The following PTPRN2 variants were observed in gnomAD, a reference collection of about 807,000 sequenced individuals.
The protein encoded by PTPRN2 is receptor-type tyrosine-protein phosphatase N2.
Under a neutral mutation model 118.8 loss-of-function variants are expected in PTPRN2, and 74 were observed. The observed-to-expected ratio is 0.62, with a 90% CI of 0.52 to 0.76. PTPRN2 has a LOEUF of 0.76. PTPRN2 is among the 30% of genes least tolerant of loss of function. PTPRN2 has a pLI of 0.00. For synonymous variants in PTPRN2, 641 were observed against 608.0 expected, an observed-to-expected ratio of 1.05 and a Z score of -0.80; for missense variants, 1,481 against 1,394.4, an observed-to-expected ratio of 1.06 and a Z score of -0.99.
chr7:158,083,609 G>A (rs1293007604), intron 10 of PTPRN2, among the ~76,000 whole-genome samples: 2 of 152,204 alleles, frequency 1.3e-5, no homozygotes, highest in African/African-American at 2.4e-5. Context: ...CGTATTTCAC[G>A]TGGGGGCCGC....
intron 12 of PTPRN2, among the ~76,000 whole-genome samples, chr7:157,718,340 A>G (rs1313511223): frequency 1.3e-5 from 2 of 152,250 alleles, no homozygotes; most frequent in African/African-American, 2.4e-5. Context: ...CAAGGCACTC[A>G]TGAATGAGCT....
At chr7:158,416,814 T>G (rs1262632952) in intron 2 of PTPRN2, among the ~76,000 whole-genome samples, 1 of 152,102 alleles carries the variant, frequency 6.6e-6, no homozygotes, top group Non-Finnish European at 1.5e-5. Flanking sequence ...AACGATGATA[T>G]CCAGGGGAAA....
chr7:158,348,615 C>T (rs1807713431), intron 2 of PTPRN2, among the ~76,000 whole-genome samples: 1 of 152,198 alleles, frequency 6.6e-6, no homozygotes, highest in African/African-American at 2.4e-5. Context: ...AGGCCCCCAA[C>T]ACCTGAGGTC....
At chr7:158,233,398 T>C (rs1019187493) in intron 3 of PTPRN2, among the ~76,000 whole-genome samples, 6 of 152,022 alleles carry the variant, frequency 3.9e-5, no homozygotes, top group Non-Finnish European at 8.8e-5. Context: ...GATACAACAC[T>C]GAAGAAAACA....
At chr7:157,649,986 G>A (rs1052740231) in intron 14 of PTPRN2, among the ~76,000 whole-genome samples, 1 of 151,798 alleles carries the variant, frequency 6.6e-6, no homozygotes, top group Non-Finnish European at 1.5e-5. Context: ...CACTGAACTC[G>A]GTGGGTCGGA....
intron 9 of PTPRN2, among the ~76,000 whole-genome samples, chr7:158,112,637 T>A (rs1165275733): frequency 1.3e-5 from 2 of 152,152 alleles, no homozygotes; most frequent in African/African-American, 4.8e-5. Context: ...GGAGTTTACA[T>A]CCTGCACACG....
chr7:157,550,532 G>A lies in PTPRN2; in HGVS notation c.2903-1513C>T, dbSNP rs1212595021. Among the ~76,000 whole-genome samples the A allele has an allele frequency of 1.3e-5, 2 of 152,248 alleles. No individual in the cohort carries two copies. Among genetic ancestry groups the A allele is most frequent in the African/African-American group, 4.8e-5 (2 of 41,470 alleles). ...ATGACCACCCCACCTGCCCTGCCTG[G>A]CTGGTGGGTCTCCCCACCTTTGAGC... On this transcript the variant is annotated intron_variant, in intron 21 of 22. Coordinates refer to ENST00000389418, the MANE Select transcript of PTPRN2 (RefSeq NM_002847.5). The surrounding 1 kb of genome is among the most constrained non-coding windows in gnomAD (Gnocchi z 5.2).
intron 2 of PTPRN2, among the ~76,000 whole-genome samples, chr7:158,425,243 C>T (rs1304851074): frequency 4.3e-5 from 1 of 23,286 alleles, no homozygotes; most frequent in Non-Finnish European, 1.1e-4. Flanking sequence ...CTGAGGCCTG[C>T]GCACCGCCGG....
At chr7:157,595,448 G>C in intron 16 of PTPRN2, 133 bp from the exon 17 acceptor site, 2 of 774,168 alleles carry the variant, frequency 2.6e-6, no homozygotes, top group Non-Finnish European at 4.2e-6. Context: ...AAGAAACCCG[G>C]AGGTTAGGAA....
intron 11 of PTPRN2, among the ~76,000 whole-genome samples, chr7:158,070,172 C>T (rs112334710): frequency 6.6e-6 from 1 of 152,224 alleles, no homozygotes; most frequent in Non-Finnish European, 1.5e-5. Flanking sequence ...CAGCAGACAT[C>T]CAAAAGCAGG....
At chr7:158,274,435 GGAGGAGCCGCAGACAC>G (rs1199842814) in intron 3 of PTPRN2, among the ~76,000 whole-genome samples, 3 of 129,574 alleles carry the variant, frequency 2.3e-5, no homozygotes, top group Admixed American at 7.6e-5. Context: ...GACAGACATG[GGAGGAGCCGCAGACAC>G]GGGGAGCCGC....
chr7:158,570,160 C>G lies in PTPRN2; in HGVS notation c.112+17398G>C. Among the ~76,000 whole-genome samples, 1 of 152,296 alleles carries G rather than the reference C, an allele frequency of 6.6e-6. No homozygotes were observed. The highest frequency in any genetic ancestry group is 2.4e-5 in the African/African-American group (1 of 41,580). On this transcript the variant is annotated intron_variant, in intron 1 of 22. Coordinates refer to ENST00000389418, the MANE Select transcript of PTPRN2 (RefSeq NM_002847.5). This position sits in a 1 kb window ranked among gnomAD's most constrained non-coding sequence, Gnocchi z 4.5. ...CGGAGCCGTCTCCAACCCCTGCAGG[C>G]CGACCTGGGCAGCCAGGCGGGGAGC...
intron 3 of PTPRN2, among the ~76,000 whole-genome samples, chr7:158,261,453 C>T (rs937324625): frequency 1.3e-5 from 2 of 152,108 alleles, no homozygotes; most frequent in African/African-American, 4.8e-5. Flanking sequence ...TCACAGGCAG[C>T]GATGGGCCAA....
At chr7:157,546,796 G>T (rs1247336926) in intron 22 of PTPRN2, among the ~76,000 whole-genome samples, 1 of 152,226 alleles carries the variant, frequency 6.6e-6, no homozygotes, top group Non-Finnish European at 1.5e-5. Context: ...TCTCTGATGA[G>T]TCCCAAAGCA....
At chr7:158,329,446 G>A (rs1803947665) in intron 2 of PTPRN2, among the ~76,000 whole-genome samples, 1 of 152,216 alleles carries the variant, frequency 6.6e-6, no homozygotes, top group Non-Finnish European at 1.5e-5. Flanking sequence ...TTAGCAGGCG[G>A]ACGGCTGAGA....
At chr7:157,778,851 G>A (rs1803504395) in intron 12 of PTPRN2, among the ~76,000 whole-genome samples, 1 of 152,212 alleles carries the variant, frequency 6.6e-6, no homozygotes, top group Non-Finnish European at 1.5e-5. Flanking sequence ...CGTGAATACA[G>A]GCGCTGAATG....
At chr7:158,488,581 C>T (rs767396709) in intron 2 of PTPRN2, among the ~76,000 whole-genome samples, 1 of 152,234 alleles carries the variant, frequency 6.6e-6, no homozygotes, top group Non-Finnish European at 1.5e-5. Flanking sequence ...AGGCATTCAC[C>T]TCGGCTCCCC....
chr7:157,703,782 C>T (rs912700260), intron 12 of PTPRN2, among the ~76,000 whole-genome samples: 2 of 152,140 alleles, frequency 1.3e-5, no homozygotes, highest in Admixed American at 1.3e-4. Flanking sequence ...TTTGGGATTC[C>T]GAGACTGGCA....
chr7:158,489,426 G>A (rs1199765394), intron 2 of PTPRN2, among the ~76,000 whole-genome samples: 1 of 152,230 alleles, frequency 6.6e-6, no homozygotes, highest in East Asian at 1.9e-4. Context: ...CAGCCTGGGC[G>A]ACAGAGCGAG....
Sources: allele counts gnomAD v4.1 joint callset (sites outside exome capture counted in the v4.1 genomes callset), GRCh38; gene constraint gnomAD v4.1.1; non-coding constraint Gnocchi (gnomAD v3.1); transcripts MANE v1.5; gene names NCBI Gene and HGNC (gene_info 2026-07-23, HGNC 2026-07-21).